IFT74: variants seen among roughly 807,000 people sequenced by gnomAD.
IFT74 encodes intraflagellar transport protein 74 homolog.
A neutral mutation model predicts 96.7 loss-of-function variants in IFT74; 92 were observed. That is an observed-to-expected ratio of 0.95 (90% CI 0.80 to 1.13). The LOEUF (loss-of-function observed/expected upper bound fraction) is 1.13. IFT74 is among the 50% of genes most tolerant of loss of function. IFT74 has a pLI of 0.00. For missense variants in IFT74, 811 were observed against 698.2 expected, an observed-to-expected ratio of 1.16 and a Z score of -1.82; for synonymous variants, 223 against 213.2, an observed-to-expected ratio of 1.05 and a Z score of -0.40.
chr9:27,057,284 C>G (rs1413422931), intron 18 of IFT74, among the ~76,000 whole-genome samples: 4 of 152,084 alleles, frequency 2.6e-5, no homozygotes, highest in Non-Finnish European at 5.9e-5. Flanking sequence ...TTTCATATCA[C>G]TCATCTTGCT....
At chr9:27,013,980 C>A (rs1223449976) in intron 10 of IFT74, among the ~76,000 whole-genome samples, 1 of 152,170 alleles carries the variant, frequency 6.6e-6, no homozygotes, top group Admixed American at 6.5e-5. Flanking sequence ...CTTTGGGAGG[C>A]CAAGGCAGGC....
At chr9:26,987,385 C>T (rs111780949) in intron 6 of IFT74, among the ~76,000 whole-genome samples, 13 of 152,120 alleles carry the variant, frequency 8.5e-5, no homozygotes, top group Middle Eastern at 3.4e-3. Flanking sequence ...CCACCGCGCC[C>T]GGCCGAGAAA....
chr9:27,023,909 A>T (rs1320650421), intron 12 of IFT74, among the ~76,000 whole-genome samples: 2 of 152,296 alleles, frequency 1.3e-5, no homozygotes, highest in Non-Finnish European at 2.9e-5. Flanking sequence ...AAGACAAAAG[A>T]CATAAACTTG....
At chr9:27,003,378 C>G (rs1158082156) in intron 8 of IFT74, among the ~76,000 whole-genome samples, 1 of 152,034 alleles carries the variant, frequency 6.6e-6, no homozygotes, top group Non-Finnish European at 1.5e-5. Context: ...CAAAAATTAG[C>G]CGGGTGCAGT....
chr9:27,062,553 G>T, intron 19 of IFT74, 65 bp from the exon 20 acceptor site: 1 of 855,100 alleles, frequency 1.2e-6, no homozygotes, highest in Non-Finnish European at 1.9e-6. Context: ...TCAGTATTTA[G>T]TTCCTTTCTC....
exon 1 of IFT74, chr9:26,947,132 G>C (rs535299977): frequency 5.1e-6 from 7 of 1,381,588 alleles, no homozygotes; most frequent in Non-Finnish European, 5.7e-6. Context: ...GCCGCGGCGG[G>C]AGAAGAGCCT....
rs931171426 is a variant in IFT74, at chr9:27,056,545, T to C, written c.1623+86T>C. The C allele has an allele frequency of 5.6e-5, 67 of 1,190,504 alleles. No homozygotes were observed. The Middle Eastern group carries it at 1.9e-3, about 33-fold the overall frequency. The allele number at this position is 1,190,504 out of a possible 1,614,324, so 73.7% of individuals were successfully genotyped here. A position where few individuals can be genotyped will look rare whatever the true frequency, so the allele number is the denominator to read the frequency against. On this transcript the variant is annotated intron_variant, in intron 18 of 19. Transcript: ENST00000380062. The stretch of plus-strand genomic sequence containing the variant: ...TCAATTTTTTATTTTAAAATTTGCT[T>C]TATATACCTTCTAGATTTTCTGACT...
At chr9:26,963,967 A>G (rs1826489492) in intron 2 of IFT74, among the ~76,000 whole-genome samples, 1 of 151,730 alleles carries the variant, frequency 6.6e-6, no homozygotes, top group Admixed American at 6.6e-5. Context: ...CTTTAGTTTA[A>G]TGAGATCCCA....
intron 12 of IFT74, chr9:27,028,771 A>T: frequency 4.3e-6 from 1 of 235,222 alleles, no homozygotes; most frequent in Non-Finnish European, 8.1e-6. Flanking sequence ...AAAAAAAAAA[A>T]GATCTAGACA....
chr9:27,032,822 C>T (rs1213574723), intron 13 of IFT74, among the ~76,000 whole-genome samples: 5 of 151,376 alleles, frequency 3.3e-5, no homozygotes, highest in African/African-American at 7.3e-5. Flanking sequence ...GCCAAGATCG[C>T]GCCACTGCAC....
chr9:26,967,371 CTT>C (rs1826672291), intron 2 of IFT74, among the ~76,000 whole-genome samples: 1 of 151,976 alleles, frequency 6.6e-6, no homozygotes, highest in African/African-American at 2.4e-5. Context: ...AATGGGATAA[CTT>C]TCTTGATTTT....
chr9:27,042,910 T>C (rs1381009980), intron 13 of IFT74, among the ~76,000 whole-genome samples: 2 of 152,198 alleles, frequency 1.3e-5, no homozygotes, highest in African/African-American at 4.8e-5. Flanking sequence ...ACTCTTTCTG[T>C]TTCCCACTCA....
intron 6 of IFT74, among the ~76,000 whole-genome samples, chr9:26,987,139 T>C (rs1265392607): frequency 6.6e-6 from 1 of 152,224 alleles, no homozygotes; most frequent in Non-Finnish European, 1.5e-5. Context: ...AACCTCCGCC[T>C]CTTGGGTTCA....
intron 10 of IFT74, among the ~76,000 whole-genome samples, chr9:27,015,855 TAGTATA>T (rs1829317151): frequency 6.6e-6 from 1 of 152,202 alleles, no homozygotes. Flanking sequence ...AAATAACATG[TAGTATA>T]GTGCCTGGCA....
chr9:27,056,568 A>G (rs1820167654), intron 18 of IFT74, 109 bp downstream of exon 18: 4 of 877,654 alleles, frequency 4.6e-6, no homozygotes, highest in African/African-American at 1.7e-5. Context: ...AGATTTTCTG[A>G]CTTTTAAGAC....
At chr9:27,057,237 AC>A (rs1223768213) in intron 18 of IFT74, among the ~76,000 whole-genome samples, 2 of 152,178 alleles carry the variant, frequency 1.3e-5, no homozygotes, top group Non-Finnish European at 2.9e-5. Flanking sequence ...CCAATTATTT[AC>A]ATAGGATGCG....
intron 18 of IFT74, among the ~76,000 whole-genome samples, chr9:27,059,293 C>G (rs1820307398): frequency 6.6e-6 from 1 of 152,108 alleles, no homozygotes; most frequent in South Asian, 2.1e-4. Context: ...TTTGGCATCT[C>G]TAAAGAATTT....
At chr9:27,005,020 G>A in intron 8 of IFT74, among the ~76,000 whole-genome samples, 1 of 152,118 alleles carries the variant, frequency 6.6e-6, no homozygotes, top group Non-Finnish European at 1.5e-5. Flanking sequence ...AAATCTAAAT[G>A]TAGTTTTTCC....
intron 2 of IFT74, among the ~76,000 whole-genome samples, chr9:26,967,740 A>G (rs535054859): frequency 6.6e-6 from 1 of 152,256 alleles, no homozygotes; most frequent in Non-Finnish European, 1.5e-5. Flanking sequence ...TGTCATATAT[A>G]GCTTTTATTG....
Sources: allele counts gnomAD v4.1 joint callset (sites outside exome capture counted in the v4.1 genomes callset), GRCh38; gene constraint gnomAD v4.1.1; transcripts MANE v1.5; gene names NCBI Gene and HGNC (gene_info 2026-07-23, HGNC 2026-07-21).